ADCY2: variants seen among roughly 807,000 people sequenced by gnomAD.
ADCY2 encodes the protein adenylate cyclase 2.
Under a neutral mutation model 125.2 loss-of-function variants are expected in ADCY2, and 31 were observed. The ratio of observed to expected loss-of-function variants is 0.25; its 90% confidence interval spans 0.19 to 0.33. The LOEUF (loss-of-function observed/expected upper bound fraction) is 0.33, where lower values mean the gene tolerates loss of function less well. ADCY2 is among the 10% of genes least tolerant of loss of function. The pLI is 1.00. For missense variants in ADCY2, 904 were observed against 1,418.2 expected (o/e 0.64, Z 5.82); for synonymous variants, 512 against 548.4 (o/e 0.93, Z 0.93).
intron 19 of ADCY2, among the ~76,000 whole-genome samples, chr5:7,787,191 C>T (rs889683328): frequency 6.6e-6 from 1 of 152,234 alleles, no homozygotes; most frequent in African/African-American, 2.4e-5. Flanking sequence ...GTGTCTCTCC[C>T]TGTTCCTCCC....
chr5:7,589,834 A>G (rs964955846), intron 3 of ADCY2, among the ~76,000 whole-genome samples: 2 of 152,208 alleles, frequency 1.3e-5, no homozygotes, highest in East Asian at 1.9e-4. Flanking sequence ...CAGAGGAAAC[A>G]CTACTAAATC....
chr5:7,697,077 C>T (rs978804729), intron 6 of ADCY2, among the ~76,000 whole-genome samples: 3 of 152,010 alleles, frequency 2.0e-5, no homozygotes, highest in African/African-American at 4.8e-5. Context: ...CTCTCCTCTA[C>T]GTGCCTGTCT....
At chr5:7,590,478 G>A (rs1736820281) in intron 3 of ADCY2, among the ~76,000 whole-genome samples, 1 of 151,698 alleles carries the variant, frequency 6.6e-6, no homozygotes, top group African/African-American at 2.4e-5. Context: ...GGATCCTTAT[G>A]TTCTCTTTAT....
chr5:7,809,875 G>A (rs529863874), intron 22 of ADCY2, among the ~76,000 whole-genome samples: 5 of 152,204 alleles, frequency 3.3e-5, no homozygotes, highest in African/African-American at 7.2e-5. Flanking sequence ...AGAACTGATT[G>A]TTGTTTGTAA....
chr5:7,609,213 G>A (rs112344768), intron 3 of ADCY2, among the ~76,000 whole-genome samples: 1 of 152,108 alleles, frequency 6.6e-6, no homozygotes. Context: ...TATATATCAA[G>A]GCATAACCCT....
chr5:7,786,512 T>G (rs1259281596), intron 19 of ADCY2, among the ~76,000 whole-genome samples: 2 of 152,226 alleles, frequency 1.3e-5, no homozygotes, highest in African/African-American at 4.8e-5. Flanking sequence ...TGGAGATATG[T>G]TTGCTTTCTG....
chr5:7,806,840 G>A (rs927159020), intron 22 of ADCY2, among the ~76,000 whole-genome samples: 1 of 152,152 alleles, frequency 6.6e-6, no homozygotes, highest in Non-Finnish European at 1.5e-5. Flanking sequence ...CATTATTTTA[G>A]TTCATCTTGA....
At chr5:7,536,440 T>C (rs1734815084) in intron 3 of ADCY2, among the ~76,000 whole-genome samples, 1 of 152,188 alleles carries the variant, frequency 6.6e-6, no homozygotes, top group Admixed American at 6.5e-5. Flanking sequence ...CTCGTCACTG[T>C]CATCCCCCCC....
intron 14 of ADCY2, among the ~76,000 whole-genome samples, chr5:7,737,065 T>C (rs942325236): frequency 2.0e-5 from 3 of 152,198 alleles, no homozygotes; most frequent in Non-Finnish European, 4.4e-5. Context: ...ACTGTTACAG[T>C]TCTTCCCTAG....
chr5:7,466,658 T>C (rs1359308692), intron 2 of ADCY2, among the ~76,000 whole-genome samples: 1 of 152,212 alleles, frequency 6.6e-6, no homozygotes. Context: ...CTAGAGCCCA[T>C]CATTTAAGGA....
At chr5:7,462,648 C>T (rs1741954420) in intron 2 of ADCY2, among the ~76,000 whole-genome samples, 1 of 152,146 alleles carries the variant, frequency 6.6e-6, no homozygotes, top group African/African-American at 2.4e-5. Flanking sequence ...TTTGGAACTA[C>T]CTTTTGAATT....
At chr5:7,789,197 A>T (rs1239893394) in intron 19 of ADCY2, among the ~76,000 whole-genome samples, 1 of 152,222 alleles carries the variant, frequency 6.6e-6, no homozygotes, top group African/African-American at 2.4e-5. Context: ...TTAGGGAAAA[A>T]CTAATTTACA....
At position 7,698,386 on chromosome 5, in the gene ADCY2, G is replaced by A; in HGVS notation, c.1109+12G>A. ...TGTGAAGCCATAAAGTAAGTGGACTGCTTAGTAAGCATTTTGTTATATGCT... is the reference window on the plus strand; with the variant it reads ...TGTGAAGCCATAAAGTAAGTGGACTACTTAGTAAGCATTTTGTTATATGCT... On this transcript the variant is annotated intron_variant, in intron 7 of 24. Transcript: ENST00000338316. 1 of 1,613,854 alleles carries A rather than the reference G, an allele frequency of 6.2e-7. No individual in the cohort carries two copies. Among genetic ancestry groups the A allele is most frequent in the Non-Finnish European group, 8.5e-7 (1 of 1,179,924 alleles).
chr5:7,501,886 C>T (rs929156209), intron 2 of ADCY2, among the ~76,000 whole-genome samples: 8 of 152,140 alleles, frequency 5.3e-5, no homozygotes, highest in Admixed American at 3.3e-4. Context: ...CCCACACTCT[C>T]GTCATTTCAA....
intron 3 of ADCY2, among the ~76,000 whole-genome samples, chr5:7,601,851 A>G (rs1737217258): frequency 6.6e-6 from 1 of 152,146 alleles, no homozygotes; most frequent in African/African-American, 2.4e-5. Flanking sequence ...GCTGTAATAC[A>G]TTACTACAAA....
In ADCY2 at chr5:7,775,001, C is replaced by T. The variant is rs573087420; in HGVS notation, c.2384+1900C>T. 6.6e-5 allele frequency among the ~76,000 whole-genome samples: 10 copies of T among 152,196 alleles called. No individual in the cohort carries two copies. The East Asian group carries it at 1.5e-3, about 24-fold the overall frequency. On this transcript the variant is annotated intron_variant, in intron 18 of 24. Coordinates refer to ENST00000338316, the MANE Select transcript of ADCY2 (RefSeq NM_020546.3). Reference sequence around the variant, plus strand: ...CTTTGTGTTACATATAATCCAGTTACACTTTTTACTTATTTATTTATTTGA... The same window carrying T: ...CTTTGTGTTACATATAATCCAGTTATACTTTTTACTTATTTATTTATTTGA...
chr5:7,660,419 A>G (rs914696244), intron 4 of ADCY2, among the ~76,000 whole-genome samples: 3 of 152,180 alleles, frequency 2.0e-5, no homozygotes, highest in African/African-American at 7.2e-5. Context: ...CCCTTTACAT[A>G]TGGATTAGTG....
At chr5:7,397,273 G>C (rs1299146013) in intron 1 of ADCY2, among the ~76,000 whole-genome samples, 2 of 152,170 alleles carry the variant, frequency 1.3e-5, no homozygotes, top group East Asian at 1.9e-4. Flanking sequence ...AGTTTTGCCA[G>C]TTTATATTTT....
chr5:7,410,780 T>G (rs1015750784), intron 1 of ADCY2, among the ~76,000 whole-genome samples: 3 of 152,178 alleles, frequency 2.0e-5, no homozygotes, highest in Non-Finnish European at 4.4e-5. Flanking sequence ...ATAGGAATAT[T>G]TAATTGAGAT....
Sources: allele counts gnomAD v4.1 joint callset (sites outside exome capture counted in the v4.1 genomes callset), GRCh38; gene constraint gnomAD v4.1.1; transcripts MANE v1.5; gene names NCBI Gene and HGNC (gene_info 2026-07-23, HGNC 2026-07-21).